Variants in DOCK2 observed in about 807,000 individuals in gnomAD.
DOCK2 encodes the protein dedicator of cytokinesis protein 2.
A neutral mutation model predicts 248.9 loss-of-function variants in DOCK2; 87 were observed. The ratio of observed to expected loss-of-function variants is 0.35; its 90% CI spans 0.29 to 0.42. The LOEUF is 0.42. Ranked by LOEUF, DOCK2 falls within the 10% of genes least tolerant of loss-of-function variation. The probability of loss-of-function intolerance (pLI) is 1.00; values close to 1 mark genes in which losing one functional copy is unlikely to be tolerated. For missense variants in DOCK2, 1,747 were observed against 2,300.2 expected (o/e 0.76, Z 4.92); for synonymous variants, 805 against 821.6 (o/e 0.98, Z 0.35).
chr5:169,733,995 A>G (rs1223922284), intron 22 of DOCK2, among the ~76,000 whole-genome samples: 6 of 152,066 alleles, frequency 3.9e-5, no homozygotes, highest in Non-Finnish European at 8.8e-5. Context: ...ATATTTTATT[A>G]TCTCTCTGAA....
chr5:169,866,711 G>C (rs1771584341), intron 27 of DOCK2, among the ~76,000 whole-genome samples: 3 of 152,178 alleles, frequency 2.0e-5, no homozygotes, highest in Admixed American at 6.5e-5. Flanking sequence ...AGTGGGCAGA[G>C]GCATGTGCAG....
At chr5:169,714,268 A>G (rs1367350057) in intron 18 of DOCK2, 57 bp downstream of exon 18, 4 of 1,606,722 alleles carry the variant, frequency 2.5e-6, no homozygotes, top group Non-Finnish European at 3.4e-6. Context: ...GTGTGTGTGT[A>G]CATGTGTGTA....
At chr5:169,985,387 G>A (rs951104100) in intron 28 of DOCK2, among the ~76,000 whole-genome samples, 3 of 144,082 alleles carry the variant, frequency 2.1e-5, no homozygotes, top group African/African-American at 5.2e-5. Context: ...GTGTGTGTGT[G>A]TGTGTGTATG....
chr5:169,904,587 C>T (rs1216643935), intron 27 of DOCK2, among the ~76,000 whole-genome samples: 1 of 152,112 alleles, frequency 6.6e-6, no homozygotes, highest in Non-Finnish European at 1.5e-5. Context: ...GCACCATCAT[C>T]TCATTCTCTC....
At chr5:169,946,467 T>C (rs533344617) in intron 27 of DOCK2, among the ~76,000 whole-genome samples, 25 of 152,314 alleles carry the variant, frequency 1.6e-4, no homozygotes, top group Non-Finnish European at 2.9e-4. Context: ...GTTTTGGAAA[T>C]TGATCTTTAC....
chr5:169,912,440 C>A (rs192968712), intron 27 of DOCK2, among the ~76,000 whole-genome samples: 3 of 152,302 alleles, frequency 2.0e-5, no homozygotes, highest in East Asian at 3.9e-4. Context: ...CTTAGCCACA[C>A]ACAAATTCAT....
At chr5:170,076,183 C>T in intron 47 of DOCK2, 99 bp downstream of exon 47, 2 of 1,489,472 alleles carry the variant, frequency 1.3e-6, no homozygotes, top group Non-Finnish European at 1.8e-6. Context: ...GCAAAGGAAG[C>T]TGCTTCCAAA....
intron 10 of DOCK2, 76 bp from the exon 11 acceptor site, chr5:169,698,298 A>G (rs1760752466): frequency 6.7e-7 from 1 of 1,503,350 alleles, no homozygotes; most frequent in Non-Finnish European, 9.2e-7. Context: ...CTCCTGTCCC[A>G]TAAGCTCATC....
intron 30 of DOCK2, chr5:169,999,894 T>C (rs960895007): frequency 3.9e-5 from 6 of 152,220 alleles, no homozygotes; most frequent in African/African-American, 1.4e-4. Flanking sequence ...ATCCCTAATA[T>C]CTTTCCCAGA....
intron 32 of DOCK2, among the ~76,000 whole-genome samples, chr5:170,012,460 C>T (rs1409290513): frequency 3.3e-5 from 5 of 152,214 alleles, no homozygotes; most frequent in Admixed American, 2.0e-4. Flanking sequence ...TCATCATCTT[C>T]TTCTCATCAA....
intron 27 of DOCK2, among the ~76,000 whole-genome samples, chr5:169,891,470 T>C (rs1359849448): frequency 6.6e-6 from 1 of 152,200 alleles, no homozygotes; most frequent in African/African-American, 2.4e-5. Flanking sequence ...TATTTAACGA[T>C]TTTCAAAATT....
intron 27 of DOCK2, among the ~76,000 whole-genome samples, chr5:169,846,091 T>C (rs549991628): frequency 7.0e-4 from 107 of 152,314 alleles, no homozygotes; most frequent in African/African-American, 2.4e-3. Context: ...TTTCCAGATG[T>C]GATTTTTTTG....
rs537961076 is a variant in DOCK2, at chr5:169,889,224, G to C, written c.2799+48372G>C. On this transcript the variant is annotated intron_variant, in intron 27 of 51. Transcript: ENST00000520908. ...TAAATATTTGCATAACTAATTAAGA[G>C]TGAAGGAATTAATTCACTTCCAACA... is the stretch of plus-strand genomic sequence containing the variant. 5.3e-5 allele frequency among the ~76,000 whole-genome samples: 8 copies of C among 152,334 alleles called. No individual in the cohort carries two copies. In the East Asian group the frequency reaches 1.5e-3, roughly 29 times the overall value.
intron 26 of DOCK2, among the ~76,000 whole-genome samples, chr5:169,836,531 C>A (rs1455532990): frequency 6.6e-6 from 1 of 152,200 alleles, no homozygotes; most frequent in Non-Finnish European, 1.5e-5. Flanking sequence ...AAAGGACCTT[C>A]CGTGTGGTTT....
chr5:169,770,671 A>G, intron 25 of DOCK2, among the ~76,000 whole-genome samples: 1 of 152,226 alleles, frequency 6.6e-6, no homozygotes. Flanking sequence ...ATATATTCCC[A>G]GTATTTTAGT....
chr5:169,807,048 G>A (rs188361936), intron 26 of DOCK2, among the ~76,000 whole-genome samples: 2 of 152,132 alleles, frequency 1.3e-5, no homozygotes. Context: ...AGTGAGACCT[G>A]GGCAGGGCGT....
chr5:169,879,698 T>C (rs928492266), intron 27 of DOCK2, among the ~76,000 whole-genome samples: 30 of 152,180 alleles, frequency 2.0e-4, no homozygotes, highest in Admixed American at 1.8e-3. Context: ...AGCCAAATAT[T>C]GTCACTTTTA....
chr5:169,895,372 A>G (rs1773534888), intron 27 of DOCK2, among the ~76,000 whole-genome samples: 1 of 150,912 alleles, frequency 6.6e-6, no homozygotes, highest in South Asian at 2.1e-4. Flanking sequence ...CCCACTTCTC[A>G]CTCTCCAGGA....
chr5:170,070,693 A>T (rs1420954765), intron 46 of DOCK2, among the ~76,000 whole-genome samples: 1 of 152,124 alleles, frequency 6.6e-6, no homozygotes, highest in African/African-American at 2.4e-5. Context: ...TGTCATACAG[A>T]TTTGCTTAGT....
Sources: allele counts gnomAD v4.1 joint callset (sites outside exome capture counted in the v4.1 genomes callset), GRCh38; gene constraint gnomAD v4.1.1; transcripts MANE v1.5; gene names NCBI Gene and HGNC (gene_info 2026-07-23, HGNC 2026-07-21).